CLVS1: variants seen among roughly 807,000 people sequenced by gnomAD.
CLVS1 encodes the protein clavesin 1, also known as clavesin-1.
In CLVS1, 10 loss-of-function variants were observed where a neutral mutation model predicts 33.1. The observed-to-expected ratio is 0.30, with a 90% CI of 0.19 to 0.51. The LOEUF is 0.51. Among genes scored for constraint, CLVS1 ranks in the 20% least tolerant of loss-of-function variants. CLVS1 has a pLI of 0.97. For synonymous variants in CLVS1, 163 were observed against 166.1 expected, an observed-to-expected ratio of 0.98 and a Z score of 0.14; for missense variants, 343 against 433.4, an observed-to-expected ratio of 0.79 and a Z score of 1.85.
chr8:61,280,819 G>A (rs1323776690), intron 2 of CLVS1, among the ~76,000 whole-genome samples: 4 of 152,022 alleles, frequency 2.6e-5, no homozygotes, highest in Admixed American at 2.6e-4. Flanking sequence ...GTAGAGATGA[G>A]GTCTCACTAT....
chr8:61,016,640 G>C, the CLVS1 span, among the ~76,000 whole-genome samples: 3 of 152,240 alleles, frequency 2.0e-5, no homozygotes, highest in Non-Finnish European at 4.4e-5. Flanking sequence ...ACTCCCAGGG[G>C]GTGGGGGAAG....
At chr8:61,223,526 A>G (rs1362127985) in intron 2 of CLVS1, among the ~76,000 whole-genome samples, 1 of 152,112 alleles carries the variant, frequency 6.6e-6, no homozygotes, top group Non-Finnish European at 1.5e-5. Flanking sequence ...TCTGGCTTGT[A>G]GGGTTTCTGT....
At chr8:61,058,951 G>A (rs1047746098) in intron 1 of CLVS1, among the ~76,000 whole-genome samples, 1 of 151,988 alleles carries the variant, frequency 6.6e-6, no homozygotes, top group African/African-American at 2.4e-5. Context: ...ATCTTTCAAT[G>A]GACATTTAGC....
At chr8:61,478,498 C>T (rs1282611933) in intron 5 of CLVS1, among the ~76,000 whole-genome samples, 1 of 152,184 alleles carries the variant, frequency 6.6e-6, no homozygotes, top group African/African-American at 2.4e-5. Flanking sequence ...AATCTGGGTG[C>T]TCCTGTATTG....
chr8:61,155,271 C>T (rs1806627358), intron 2 of CLVS1, among the ~76,000 whole-genome samples: 1 of 152,188 alleles, frequency 6.6e-6, no homozygotes, highest in Non-Finnish European at 1.5e-5. Context: ...CAAGTATCTA[C>T]AAGGACTGTT....
chr8:61,038,802 A>C, the CLVS1 span, among the ~76,000 whole-genome samples: 1 of 152,178 alleles, frequency 6.6e-6, no homozygotes, highest in Non-Finnish European at 1.5e-5. Context: ...GCGCATGTGA[A>C]CCGAAGGTCC....
intron 3 of CLVS1, among the ~76,000 whole-genome samples, chr8:61,453,096 T>TA (rs1554576647): frequency 1.1e-4 from 16 of 151,902 alleles, no homozygotes; most frequent in South Asian, 6.3e-4. Flanking sequence ...CATTTTTTTT[T>TA]TTATTATACT....
rs558188742 is a variant in CLVS1, at chr8:61,424,536, A to G, written c.631-29605A>G. On this transcript the variant is annotated intron_variant, in intron 3 of 5. Transcript: ENST00000325897. ...TAGTAGTCTATGTAGACTTGCCTTT[A>G]TTACTTATAAAATTGTACTTTTCTT... 1.9e-4 allele frequency among the ~76,000 whole-genome samples: 29 copies of G among 152,328 alleles called. No individual in the cohort carries two copies. The South Asian group carries it at 6.0e-3, about 32-fold the overall frequency.
rs971758797 is a variant in CLVS1 at position 61,316,564 on chromosome 8, A to G, written c.455+16282A>G. Among the ~76,000 whole-genome samples the G allele has an allele frequency of 5.9e-5, 9 of 152,350 alleles. 2 individuals carry two copies. Among genetic ancestry groups the G allele is most frequent in the Non-Finnish European group, 2.9e-5 (2 of 68,034 alleles). On this transcript the variant is annotated intron_variant, in intron 2 of 5. Transcript: ENST00000325897. ...CTGTATCCTAACTATGAAGTGTTGCATGATTGTAAGACTAAGCATTCTCAT... is the reference window on the plus strand; with the variant it reads ...CTGTATCCTAACTATGAAGTGTTGCGTGATTGTAAGACTAAGCATTCTCAT...
upstream of CLVS1, among the ~76,000 whole-genome samples, chr8:61,285,722 C>T (rs531465807): frequency 1.7e-4 from 26 of 152,208 alleles, no homozygotes; most frequent in Non-Finnish European, 3.5e-4. Context: ...GGTAAAGACT[C>T]TATCCACGTG....
chr8:61,499,556 C>T lies in CLVS1; in HGVS notation c.*14C>T, dbSNP rs537749440. ...GCTCTGGACTGAACCCTGAGTCACC[C>T]CAATGCTCCTGCACACTGGCCTTCA... On this transcript the variant is annotated 3_prime_UTR_variant, in exon 6 of 6. Coordinates refer to ENST00000325897, the MANE Select transcript of CLVS1 (RefSeq NM_173519.3). 10 of 1,603,612 alleles carry T rather than the reference C, an allele frequency of 6.2e-6. No homozygotes were observed. Among genetic ancestry groups the T allele is most frequent in the Non-Finnish European group, 8.5e-6 (10 of 1,170,800 alleles).
At chr8:61,405,261 T>C (rs188224181) in intron 3 of CLVS1, among the ~76,000 whole-genome samples, 128 of 152,330 alleles carry the variant, frequency 8.4e-4, no homozygotes, top group Middle Eastern at 3.4e-3. Flanking sequence ...AGTTTGTTCA[T>C]TGGAGAAAAC....
In CLVS1 at chr8:61,295,562, G is replaced by A. The variant is rs187641305; in HGVS notation, c.-151-4115G>A. ...ACTGGTATATTTAGGCTCATAGAAT[G>A]GTAAGTTTGAAAGGAATTTTAGGGA... On this transcript the variant is annotated intron_variant, in intron 1 of 5. Coordinates refer to ENST00000325897, the MANE Select transcript of CLVS1 (RefSeq NM_173519.3). Among the ~76,000 whole-genome samples, 513 of 152,212 alleles carry A rather than the reference G, an allele frequency of 3.4e-3. 6 individuals are homozygous for A. The highest frequency in any genetic ancestry group is 5.8e-3 in the Non-Finnish European group (395 of 67,992).
chr8:61,090,988 G>GCC lies in CLVS1; in HGVS notation c.-243+33764_-243+33765dup, dbSNP rs35220668. ...TGTGGTAGACTGATTAATGACCCAT[G>GCC]CCCCCCCACCAATACATTTGCACCC... On this transcript the variant is annotated intron_variant, in intron 1 of 2. Transcript: ENST00000522621. 7.9e-4 allele frequency: 379 copies of GCC among 478,396 alleles called. 1 individual carries two copies. Among genetic ancestry groups the GCC allele is most frequent in the South Asian group, 2.1e-3 (136 of 63,430 alleles). The allele number at this position is 478,396 out of a possible 1,614,324, so 29.6% of individuals were successfully genotyped here. A position where few individuals can be genotyped will look rare whatever the true frequency, so the allele number is the denominator to read the frequency against.
At chr8:61,340,658 C>T (rs1811998807) in intron 2 of CLVS1, among the ~76,000 whole-genome samples, 1 of 152,144 alleles carries the variant, frequency 6.6e-6, no homozygotes, top group Non-Finnish European at 1.5e-5. Context: ...AATGCAGATA[C>T]CATTTCAACA....
intron 5 of CLVS1, among the ~76,000 whole-genome samples, chr8:61,486,633 T>C (rs1478176624): frequency 6.6e-6 from 1 of 152,120 alleles, no homozygotes; most frequent in Non-Finnish European, 1.5e-5. Flanking sequence ...TGTGGATCAA[T>C]AGCAGAAAGG....
At chr8:61,176,278 T>C (rs1807110049) in intron 2 of CLVS1, among the ~76,000 whole-genome samples, 1 of 152,120 alleles carries the variant, frequency 6.6e-6, no homozygotes, top group Non-Finnish European at 1.5e-5. Context: ...TGGGAGAGGC[T>C]GCTGGAGAAT....
chr8:61,176,365 C>T (rs1426723096), intron 2 of CLVS1, among the ~76,000 whole-genome samples: 1 of 152,170 alleles, frequency 6.6e-6, no homozygotes, highest in Non-Finnish European at 1.5e-5. Context: ...TAACCCCGGA[C>T]TCATAAACAA....
intron 2 of CLVS1, among the ~76,000 whole-genome samples, chr8:61,347,849 C>T (rs1183582793): frequency 2.6e-5 from 4 of 151,010 alleles, no homozygotes. Context: ...AGGACCCTAC[C>T]TACTGTTTTC....
Sources: gnomAD v4.1 joint callset for allele counts (sites outside exome capture counted in the v4.1 genomes callset) on GRCh38, gnomAD v4.1.1 for gene constraint, MANE v1.5 for transcripts, NCBI Gene and HGNC (gene_info 2026-07-23, HGNC 2026-07-21) for gene names.